The following LRRC75A variants were observed in gnomAD, a reference collection of about 807,000 sequenced individuals.
The protein encoded by LRRC75A is leucine-rich repeat-containing protein 75A.
In LRRC75A, 12 loss-of-function variants were observed where a neutral mutation model predicts 26.0. The ratio of observed to expected loss-of-function variants is 0.46; its 90% CI spans 0.30 to 0.75. The LOEUF is 0.75. Among genes scored for constraint, LRRC75A ranks in the 30% least tolerant of loss-of-function variants. LRRC75A has a pLI of 0.08. For missense variants in LRRC75A, 410 were observed against 486.6 expected (o/e 0.84, Z 1.48); for synonymous variants, 223 against 219.3 (o/e 1.02, Z -0.15).
chr17:16,460,157 G>A (rs1301717921), intron 2 of LRRC75A, among the ~76,000 whole-genome samples: 1 of 152,236 alleles, frequency 6.6e-6, no homozygotes, highest in Non-Finnish European at 1.5e-5. Flanking sequence ...GTGACTGTCT[G>A]TAACCCAGAA....
At chr17:16,448,501 C>A (rs1033590040) in intron 2 of LRRC75A, among the ~76,000 whole-genome samples, 3 of 152,212 alleles carry the variant, frequency 2.0e-5, no homozygotes, top group East Asian at 1.9e-4. Flanking sequence ...TCTTTCCCAG[C>A]GCAGTTCATT....
At chr17:16,446,885 TCATC>T in intron 3 of LRRC75A, 1 of 377,148 alleles carries the variant, frequency 2.7e-6, no homozygotes, top group Middle Eastern at 3.7e-4. Flanking sequence ...CTTACACTGT[TCATC>T]CACCTGGGAA....
rs1273349985 is a variant in LRRC75A, at chr17:16,443,351, G to A, written c.*237C>T. The A allele has an allele frequency of 6.1e-6, 3 of 494,030 alleles. No homozygotes were observed. The highest frequency in any genetic ancestry group is 1.9e-5 in the African/African-American group (1 of 52,008). The allele number at this position is 494,030 out of a possible 1,614,324, so 30.6% of individuals were successfully genotyped here. Reference sequence around the variant, plus strand: ...GCTGAGAGGGTTCTCTGGGGCCTGGGATGACTTAAGAACCAAATGGCAGAT... The same window carrying A: ...GCTGAGAGGGTTCTCTGGGGCCTGGAATGACTTAAGAACCAAATGGCAGAT... On this transcript the variant is annotated 3_prime_UTR_variant, in exon 4 of 4. Coordinates refer to ENST00000470794, the MANE Select transcript of LRRC75A (RefSeq NM_001113567.3).
Position 16,454,970 on chromosome 17 carries a change from G to A in LRRC75A, c.376-7010C>T, listed in dbSNP as rs376903798. On this transcript the variant is annotated intron_variant, in intron 2 of 3. Coordinates refer to ENST00000470794, the MANE Select transcript of LRRC75A (RefSeq NM_001113567.3). ...AGTGACGGAGTCTTGCTCTGTCCCC[G>A]CCCTCAGGCTGGAGTACAGTGGCAC... 1.4e-3 allele frequency among the ~76,000 whole-genome samples: 203 copies of A among 148,802 alleles called. 1 individual carries two copies. The highest frequency in any genetic ancestry group is 4.7e-3 in the African/African-American group (191 of 40,246).
chr17:16,468,596 A>G (rs932432230), intron 1 of LRRC75A, among the ~76,000 whole-genome samples: 4 of 152,246 alleles, frequency 2.6e-5, no homozygotes, highest in African/African-American at 9.6e-5. Flanking sequence ...ATGAGGACAC[A>G]GTGTCCGTTT....
intron 1 of LRRC75A, among the ~76,000 whole-genome samples, chr17:16,476,598 T>G (rs1169499265): frequency 6.6e-6 from 1 of 151,750 alleles, no homozygotes; most frequent in African/African-American, 2.4e-5. Flanking sequence ...TGAATTTCAC[T>G]CTGTCACCCA....
chr17:16,467,275 T>A (rs780059679), intron 1 of LRRC75A, among the ~76,000 whole-genome samples: 1 of 152,212 alleles, frequency 6.6e-6, no homozygotes, highest in Admixed American at 6.5e-5. Context: ...TGTCTCAGCC[T>A]CCAGAGTAGC....
At chr17:16,483,659 A>G (rs2093839689) in intron 1 of LRRC75A, among the ~76,000 whole-genome samples, 1 of 152,202 alleles carries the variant, frequency 6.6e-6, no homozygotes, top group Non-Finnish European at 1.5e-5. Flanking sequence ...CTGAGGCCAA[A>G]GAAGGGAAAG....
intron 3 of LRRC75A, among the ~76,000 whole-genome samples, chr17:16,446,461 T>C (rs1027286047): frequency 1.3e-5 from 2 of 152,066 alleles, no homozygotes; most frequent in Admixed American, 6.6e-5. Flanking sequence ...TGGTGAAAGT[T>C]CCAGCAGAGG....
At chr17:16,473,210 G>A (rs956177648) in intron 1 of LRRC75A, among the ~76,000 whole-genome samples, 1 of 152,108 alleles carries the variant, frequency 6.6e-6, no homozygotes, top group African/African-American at 2.4e-5. Flanking sequence ...GCACCCTGCA[G>A]AGTCCAGGGC....
chr17:16,470,921 C>T (rs965490106), intron 1 of LRRC75A, among the ~76,000 whole-genome samples: 2 of 151,808 alleles, frequency 1.3e-5, no homozygotes, highest in African/African-American at 2.4e-5. Flanking sequence ...ATTCTTTCCC[C>T]ATGTGCGACA....
At chr17:16,485,585 G>A (rs186842526) in intron 1 of LRRC75A, among the ~76,000 whole-genome samples, 1 of 151,476 alleles carries the variant, frequency 6.6e-6, no homozygotes, top group Non-Finnish European at 1.5e-5. Flanking sequence ...CAGCCGGAAA[G>A]GACTAAGACA....
At position 16,462,283 on chromosome 17, in the gene LRRC75A, G is replaced by GCC; in HGVS notation, c.348_349dup (p.Ala117GlyfsTer25). On this transcript the variant is annotated frameshift_variant, in exon 2 of 4. Coordinates refer to ENST00000470794, the MANE Select transcript of LRRC75A (RefSeq NM_001113567.3). LOFTEE classifies it high-confidence loss of function. This position sits in a 1 kb window ranked among gnomAD's most constrained non-coding sequence, Gnocchi z 4.6. The stretch of plus-strand genomic sequence containing the variant: ...CGGCTTGGGACAGTGGATGTAGCGT[G>GCC]CCAGGCTGATGATGAGGTCGTGTGT... 6.2e-7 allele frequency: 1 copy of GCC among 1,614,144 alleles called. No homozygotes were observed. Among genetic ancestry groups the GCC allele is most frequent in the Non-Finnish European group, 8.5e-7 (1 of 1,180,028 alleles).
chr17:16,478,087 G>T (rs185820308), intron 1 of LRRC75A, among the ~76,000 whole-genome samples: 12 of 150,492 alleles, frequency 8.0e-5, no homozygotes, highest in Admixed American at 5.9e-4. Context: ...CTCCCTCAGA[G>T]CATGGCCCAG....
At chr17:16,481,451 G>A (rs1483648403) in intron 1 of LRRC75A, among the ~76,000 whole-genome samples, 1 of 152,218 alleles carries the variant, frequency 6.6e-6, no homozygotes, top group Non-Finnish European at 1.5e-5. Flanking sequence ...CATCCCTACG[G>A]GAAGACATTA....
At chr17:16,445,269 G>A (rs1281346528) in intron 3 of LRRC75A, among the ~76,000 whole-genome samples, 2 of 146,352 alleles carry the variant, frequency 1.4e-5, no homozygotes, top group African/African-American at 5.1e-5. Context: ...GGGTTCAAGC[G>A]ATTCTCCTGC....
At chr17:16,450,167 C>G (rs2093619593) in intron 2 of LRRC75A, among the ~76,000 whole-genome samples, 1 of 152,222 alleles carries the variant, frequency 6.6e-6, no homozygotes, top group Non-Finnish European at 1.5e-5. Flanking sequence ...CACAGCACCC[C>G]AAGGCAGTAG....
intron 3 of LRRC75A, among the ~76,000 whole-genome samples, chr17:16,445,955 C>A (rs938742160): frequency 6.6e-6 from 1 of 152,198 alleles, no homozygotes; most frequent in Non-Finnish European, 1.5e-5. Flanking sequence ...GTTGCCCAGG[C>A]TGGAGTGCAG....
At chr17:16,486,820 C>A (rs2093848071) in intron 1 of LRRC75A, among the ~76,000 whole-genome samples, 1 of 152,234 alleles carries the variant, frequency 6.6e-6, no homozygotes, top group African/African-American at 2.4e-5. Flanking sequence ...TGCTGTGTCT[C>A]ATGACAGTAC....
Sources: allele counts gnomAD v4.1 joint callset (sites outside exome capture counted in the v4.1 genomes callset), GRCh38; gene constraint gnomAD v4.1.1; non-coding constraint Gnocchi (gnomAD v3.1); transcripts MANE v1.5; gene names NCBI Gene and HGNC (gene_info 2026-07-23, HGNC 2026-07-21).